The following NIPAL2 variants were observed in gnomAD, a reference collection of about 807,000 sequenced individuals.
NIPAL2 encodes the protein NIPA-like protein 2.
Under a neutral mutation model 48.9 loss-of-function variants are expected in NIPAL2, and 43 were observed. That is an observed-to-expected ratio of 0.88 (90% CI 0.69 to 1.13). The LOEUF is 1.13. Ranked by LOEUF, NIPAL2 falls within the 50% of genes most tolerant of loss-of-function variation. The pLI, the probability that NIPAL2 is intolerant of heterozygous loss-of-function variation, is 0.00. For synonymous variants in NIPAL2, 167 were observed against 174.6 expected, an observed-to-expected ratio of 0.96 and a Z score of 0.34; for missense variants, 446 against 461.4, an observed-to-expected ratio of 0.97 and a Z score of 0.31.
chr8:98,222,481 C>T lies in NIPAL2; in HGVS notation c.556G>A (p.Val186Met). Residue 186 changes from valine (V) to methionine (M), a missense_variant and splice_region_variant, in exon 5 of 11, where the codon GTG (valine) becomes ATG (methionine). Val to Met is a conservative substitution (Grantham distance 21). Transcript: ENST00000430223. ...YLVGWQFLIY[V>M]ILEILIFCIL... ...AGTAAAATATTTAGAATTCTTACCACATAGATCAGGAACTGCCATCCGACA... is the reference window on the plus strand; with the variant it reads ...AGTAAAATATTTAGAATTCTTACCATATAGATCAGGAACTGCCATCCGACA... 2 of 1,613,178 alleles carry T rather than the reference C, an allele frequency of 1.2e-6. No homozygotes were observed. The highest frequency in any genetic ancestry group is 1.7e-6 in the Non-Finnish European group (2 of 1,179,730).
rs1810336323 is a variant in NIPAL2, at chr8:98,192,342, G to A, written c.*636C>T. On this transcript the variant is annotated 3_prime_UTR_variant, in exon 11 of 11. Transcript: ENST00000430223. Reference sequence around the variant, plus strand: ...TTCTTAAACTTCCTCTTCCTTACACGTAAAAAGCCCACCAGTCAAGGTCTT... The same window carrying A: ...TTCTTAAACTTCCTCTTCCTTACACATAAAAAGCCCACCAGTCAAGGTCTT... The A allele has an allele frequency of 6.6e-6, 1 of 152,170 alleles. No individual in the cohort carries two copies. Among genetic ancestry groups the A allele is most frequent in the South Asian group, 2.1e-4 (1 of 4,822 alleles). The allele number at this position is 152,170 out of a possible 1,614,324, so 9.4% of individuals were successfully genotyped here.
rs565133157 is a variant in NIPAL2, at chr8:98,294,151, C to G, written c.-14G>C. ...CACCGCTGCCATGAGGTCTCGCTCC[C>G]GGCGCTCGGGCTCCGGCTCGGGCTG... On this transcript the variant is annotated 5_prime_UTR_variant, in exon 1 of 11. Transcript: ENST00000430223. 144 of 1,375,750 alleles carry G rather than the reference C, an allele frequency of 1.0e-4. 2 individuals carry two copies. The highest frequency in any genetic ancestry group is 2.9e-4 in the South Asian group (17 of 58,222). 85.2% of individuals were successfully genotyped at this position (1,375,750 alleles called of 1,614,324 possible).
intron 8 of NIPAL2, among the ~76,000 whole-genome samples, chr8:98,199,584 A>T (rs1451225032): frequency 6.6e-6 from 1 of 152,208 alleles, no homozygotes; most frequent in Non-Finnish European, 1.5e-5. Flanking sequence ...GCAGTCTTAC[A>T]CAGGTGCAGT....
intron 5 of NIPAL2, among the ~76,000 whole-genome samples, chr8:98,220,450 A>G (rs1340402948): frequency 6.8e-6 from 1 of 148,086 alleles, no homozygotes; most frequent in Non-Finnish European, 1.5e-5. Flanking sequence ...TCACTCTGTC[A>G]CCCAGGTTGG....
chr8:98,238,482 C>G (rs1362982349), intron 3 of NIPAL2, among the ~76,000 whole-genome samples: 7 of 152,142 alleles, frequency 4.6e-5, no homozygotes, highest in Non-Finnish European at 1.0e-4. Flanking sequence ...GTATAATAAT[C>G]CATTAAACAG....
chr8:98,197,810 T>A (rs897555356), intron 8 of NIPAL2, among the ~76,000 whole-genome samples: 1 of 152,254 alleles, frequency 6.6e-6, no homozygotes, highest in African/African-American at 2.4e-5. Context: ...GCTCCACTTC[T>A]AATTCTAGTT....
intron 6 of NIPAL2, among the ~76,000 whole-genome samples, chr8:98,211,733 A>AAGTGTGTGTGTGTGTGTGTGT (rs1271888062): frequency 2.7e-5 from 3 of 109,104 alleles, no homozygotes; most frequent in African/African-American, 1.2e-4. Flanking sequence ...AGAGAGAGAA[A>AAGTGTGTGTGTGTGTGTGTGT]GTGTGTGTGT....
chr8:98,255,417 C>T (rs114043828), intron 1 of NIPAL2, among the ~76,000 whole-genome samples: 1,871 of 152,238 alleles, frequency 0.012, 33 homozygotes, highest in African/African-American at 0.042. Context: ...ATTGCAACCA[C>T]AAAGAACCCT....
In NIPAL2 at chr8:98,192,873, T is replaced by C. The variant is rs965189372; in HGVS notation, c.*105A>G. The C allele has an allele frequency of 2.8e-6, 2 of 719,046 alleles. No individual in the cohort carries two copies. The highest frequency in any genetic ancestry group is 5.0e-6 in the Non-Finnish European group (2 of 403,812). 44.5% of individuals were successfully genotyped at this position (719,046 alleles called of 1,614,324 possible). On this transcript the variant is annotated 3_prime_UTR_variant, in exon 11 of 11. Transcript: ENST00000430223. ...TGGGGGAAAGGACTGAAATGAATGC[T>C]AGCACATGTTAGCTTATAAAAGAGC...
At chr8:98,293,279 T>C (rs569745988) in intron 1 of NIPAL2, among the ~76,000 whole-genome samples, 2 of 152,332 alleles carry the variant, frequency 1.3e-5, no homozygotes, top group African/African-American at 4.8e-5. Context: ...AGTTGCAATA[T>C]GAACGCTGCT....
At chr8:98,229,418 G>C (rs1308709657) in intron 4 of NIPAL2, among the ~76,000 whole-genome samples, 2 of 152,186 alleles carry the variant, frequency 1.3e-5, no homozygotes, top group African/African-American at 4.8e-5. Flanking sequence ...TGTTACCCAT[G>C]CTGGAGTACA....
chr8:98,241,774 A>G (rs1013508395), intron 3 of NIPAL2, among the ~76,000 whole-genome samples: 2 of 152,216 alleles, frequency 1.3e-5, no homozygotes, highest in African/African-American at 4.8e-5. Flanking sequence ...AAATATATAC[A>G]CAATAAGGGT....
rs1290899516 is a variant in NIPAL2 at position 98,190,153 on chromosome 8, G to A, written c.*2825C>T. 6.6e-6 allele frequency: 1 copy of A among 152,150 alleles called. No homozygotes were observed. The highest frequency in any genetic ancestry group is 6.5e-5 in the Admixed American group (1 of 15,276). The allele number at this position is 152,150 out of a possible 1,614,324, so 9.4% of individuals were successfully genotyped here. A position where few individuals can be genotyped will look rare whatever the true frequency, so the allele number is the denominator to read the frequency against. ...TATCTGAAGGCAAATATCAAGCCAT[G>A]TTTCCACACTCCCAAAGTATCTCAT... On this transcript the variant is annotated 3_prime_UTR_variant, in exon 11 of 11. Transcript: ENST00000430223.
At position 98,294,089 on chromosome 8, in the gene NIPAL2, G is replaced by A. The variant is rs1337539728; in HGVS notation, c.49C>T (p.Leu17=). ...AGPGDSASAA[L]DELSLNFTYG... is the part of the protein sequence containing the mutation. ...GTGAAATTCAGTGACAGCTCGTCCA[G>A]GGCGGCCGAGGCGGAGTCCCCGGGG... The change falls in exon 1 of 11, where the codon CTG becomes TTG. Residue 17 remains leucine (L), a synonymous_variant. Transcript: ENST00000430223. 3 of 1,491,766 alleles carry A rather than the reference G, an allele frequency of 2.0e-6. No individual in the cohort carries two copies. The highest frequency in any genetic ancestry group is 1.3e-5 in the South Asian group (1 of 78,316). 92.4% of individuals were successfully genotyped at this position (1,491,766 alleles called of 1,614,324 possible). A position where few individuals can be genotyped will look rare whatever the true frequency, so the allele number is the denominator to read the frequency against.
intron 6 of NIPAL2, among the ~76,000 whole-genome samples, chr8:98,209,583 A>T (rs1811214845): frequency 6.6e-6 from 1 of 151,832 alleles, no homozygotes; most frequent in South Asian, 2.1e-4. Flanking sequence ...GTGCCACTAT[A>T]CTCCAGACTG....
chr8:98,213,965 G>A (rs555469225), intron 5 of NIPAL2, among the ~76,000 whole-genome samples: 18 of 152,274 alleles, frequency 1.2e-4, no homozygotes, highest in Admixed American at 5.9e-4. Context: ...CTGGTGCCTG[G>A]CATACAGTCG....
intron 8 of NIPAL2, among the ~76,000 whole-genome samples, chr8:98,201,067 G>A (rs1810775958): frequency 6.6e-6 from 1 of 152,200 alleles, no homozygotes; most frequent in African/African-American, 2.4e-5. Flanking sequence ...GTGGCGGCAT[G>A]TTACCTAGCC....
chr8:98,229,444 C>T (rs1006271697), intron 4 of NIPAL2, among the ~76,000 whole-genome samples: 1 of 152,214 alleles, frequency 6.6e-6, no homozygotes, highest in Non-Finnish European at 1.5e-5. Context: ...GCAATCATAG[C>T]TCACTGCAGC....
chr8:98,245,294 C>T (rs1813253072), intron 3 of NIPAL2, among the ~76,000 whole-genome samples: 1 of 152,142 alleles, frequency 6.6e-6, no homozygotes, highest in South Asian at 2.1e-4. Flanking sequence ...TTATCATTCC[C>T]CGTTAGTTGT....
Sources: gnomAD v4.1 joint callset for allele counts (sites outside exome capture counted in the v4.1 genomes callset) on GRCh38, gnomAD v4.1.1 for gene constraint, MANE v1.5 for transcripts, NCBI Gene and HGNC (gene_info 2026-07-23, HGNC 2026-07-21) for gene names.